The following GALE variants were observed in gnomAD, a reference collection of about 807,000 sequenced individuals.
The protein encoded by GALE is UDP-glucose 4-epimerase.
In GALE, 32 loss-of-function variants were observed where a neutral mutation model predicts 44.1. That is an observed-to-expected ratio of 0.73 (90% CI 0.55 to 0.97). The LOEUF (loss-of-function observed/expected upper bound fraction) is 0.97. Ranked by LOEUF, GALE falls within the 50% of genes least tolerant of loss-of-function variation. GALE has a pLI of 0.00. For synonymous variants in GALE, 182 were observed against 183.5 expected, an observed-to-expected ratio of 0.99 and a Z score of 0.06; for missense variants, 423 against 455.6, an observed-to-expected ratio of 0.93 and a Z score of 0.65.
In GALE at chr1:23,797,031, T is replaced by G; in HGVS notation, c.642+3A>C. 6.2e-7 allele frequency: 1 copy of G among 1,612,714 alleles called. No homozygotes were observed. Among genetic ancestry groups the G allele is most frequent in the East Asian group, 2.2e-5 (1 of 44,856 alleles). On this transcript the variant is annotated splice_donor_region_variant and intron_variant, in intron 7 of 11. Transcript: ENST00000617979. ...CTCCTCTGTCCCTTCCCTTTTGCCT[T>G]ACCTGGGAGACATAAGGCATGAGGT...
rs1570628191 is a variant in GALE, at chr1:23,795,855, G to A, written c.*94C>T. ...GGGGTTTGAGGTAGGGGAGGCCTTG[G>A]CTTGGCCCCAGCAGCTCCAGGGCCC... On this transcript the variant is annotated 3_prime_UTR_variant, in exon 12 of 12. Coordinates refer to ENST00000617979, the MANE Select transcript of GALE (RefSeq NM_001008216.2). 5 of 1,298,294 alleles carry A rather than the reference G, an allele frequency of 3.9e-6. No individual in the cohort carries two copies. Among genetic ancestry groups the A allele is most frequent in the Non-Finnish European group, 5.5e-6 (5 of 905,578 alleles). 80.4% of individuals were successfully genotyped at this position (1,298,294 alleles called of 1,614,324 possible). A position where few individuals can be genotyped will look rare whatever the true frequency, so the allele number is the denominator to read the frequency against.
rs1383173678 is a variant in GALE, at chr1:23,798,216, C to T, written c.252G>A (p.Ala84=). Residue 84 remains alanine (A), a synonymous_variant, in exon 5 of 12, where the codon GCG becomes GCA. Coordinates refer to ENST00000617979, the MANE Select transcript of GALE (RefSeq NM_001008216.2). This position sits in a 1 kb window ranked among gnomAD's most constrained non-coding sequence, Gnocchi z 4.5. ...CCTTGAGCCCCGCAAAGTGGATGAC[C>T]GCCATAAAGCTGTACTGCAGGGGTG... The part of the protein sequence containing the change: ...QRLFKKYSFM[A]VIHFAGLKAV... 19 of 1,613,732 alleles carry T rather than the reference C, an allele frequency of 1.2e-5. No homozygotes were observed. Among genetic ancestry groups the T allele is most frequent in the Middle Eastern group, 1.6e-4 (1 of 6,084 alleles).
At chr1:23,799,297 T>C (rs1639059623) in intron 2 of GALE, 69 bp downstream of exon 2, 1 of 463,392 alleles carries the variant, frequency 2.2e-6, no homozygotes, top group Non-Finnish European at 4.0e-6. Flanking sequence ...TGAGGTGATC[T>C]TAAGGGCCCG....
At chr1:23,800,006 C>T (rs1639079423) in intron 1 of GALE, 1 of 152,326 alleles carries the variant, frequency 6.6e-6, no homozygotes, top group Non-Finnish European at 1.5e-5. Context: ...CCCACTTGAC[C>T]AAGAGCCCTC....
Position 23,796,464 on chromosome 1 carries a change from TGGGTGGGGTG to T in GALE, c.873+35_873+44del, listed in dbSNP as rs763649290. 1 of 990,972 alleles carries T rather than the reference TGGGTGGGGTG, an allele frequency of 1.0e-6. No homozygotes were observed. Among genetic ancestry groups the T allele is most frequent in the Admixed American group, 2.7e-5 (1 of 36,578 alleles). The allele number at this position is 990,972 out of a possible 1,614,324, so 61.4% of individuals were successfully genotyped here. On this transcript the variant is annotated intron_variant, in intron 10 of 11. Transcript: ENST00000617979. The surrounding 1 kb of genome is among the most constrained non-coding windows in gnomAD (Gnocchi z 5.2). ...CCAAAGCTGCTCTGTTGCTGAGAGC[TGGGTGGGGTG>T]AGGTGGGTGAGGTGGGTGGGGCGGG...
In GALE at chr1:23,797,108, C is replaced by A. The variant is rs1307733343; in HGVS notation, c.568G>T (p.Gly190Cys). The A allele has an allele frequency of 6.2e-7, 1 of 1,613,164 alleles. No homozygotes were observed. Among genetic ancestry groups the A allele is most frequent in the African/African-American group, 1.3e-5 (1 of 75,036 alleles). ...AVLLRYFNPT[G>C]AHASGCIGED... Reference sequence around the variant, plus strand: ...CCAATGCAGCCAGAGGCATGGGCACCTGTGGGGTTGAAATAGCGCAGCAGC... The same window carrying A: ...CCAATGCAGCCAGAGGCATGGGCACATGTGGGGTTGAAATAGCGCAGCAGC... Residue 190 changes from glycine (G) to cysteine (C), a missense_variant, in exon 7 of 12, where the codon GGT becomes TGT. Gly to Cys is a radical substitution (Grantham distance 159). Coordinates refer to ENST00000617979, the MANE Select transcript of GALE (RefSeq NM_001008216.2).
In GALE at chr1:23,796,022, G is replaced by A. The variant is rs1414536307; in HGVS notation, c.989-15C>T. On this transcript the variant is annotated splice_polypyrimidine_tract_variant and intron_variant, in intron 11 of 11. Coordinates refer to ENST00000617979, the MANE Select transcript of GALE (RefSeq NM_001008216.2). The surrounding 1 kb of genome is among the most constrained non-coding windows in gnomAD (Gnocchi z 5.2). ...GAGATCCTCACCTGCAACACGGCGAGGTGTGTGCTCAGGGCCCACGGTGGA... is the reference window on the plus strand; with the variant it reads ...GAGATCCTCACCTGCAACACGGCGAAGTGTGTGCTCAGGGCCCACGGTGGA... 7 of 1,613,680 alleles carry A rather than the reference G, an allele frequency of 4.3e-6. No individual in the cohort carries two copies. The highest frequency in any genetic ancestry group is 1.1e-5 in the South Asian group (1 of 91,020).
At position 23,798,875 on chromosome 1, in the gene GALE, T is replaced by C. The variant is rs1425215296; in HGVS notation, c.121+12A>G. On this transcript the variant is annotated intron_variant, in intron 3 of 11. Coordinates refer to ENST00000617979, the MANE Select transcript of GALE (RefSeq NM_001008216.2). The surrounding 1 kb of genome is among the most constrained non-coding windows in gnomAD (Gnocchi z 4.5). ...TCCCCTCAAGTAGCCCCAGCCCCAC[T>C]GCCCCGCTCACCACGGAAGGCATTA... 1 of 1,614,018 alleles carries C rather than the reference T, an allele frequency of 6.2e-7. No individual in the cohort carries two copies. Among genetic ancestry groups the C allele is most frequent in the East Asian group, 2.2e-5 (1 of 44,898 alleles).
At position 23,798,645 on chromosome 1, in the gene GALE, G is replaced by A; in HGVS notation, c.207C>T (p.Asp69=). 2 of 1,613,762 alleles carry A rather than the reference G, an allele frequency of 1.2e-6. No homozygotes were observed. Among genetic ancestry groups the A allele is most frequent in the South Asian group, 1.1e-5 (1 of 91,070 alleles). Residue 69 remains aspartate, a synonymous_variant, in exon 4 of 12, where the codon GAC becomes GAT. Coordinates refer to ENST00000617979, the MANE Select transcript of GALE (RefSeq NM_001008216.2). The surrounding 1 kb of genome is among the most constrained non-coding windows in gnomAD (Gnocchi z 4.5). ...SVEFEEMDIL[D]QGALQRLFKK... is the part of the protein sequence containing the mutation. ...TGAAGAGACGCTGTAGGGCTCCCTG[G>A]TCCAAAATGTCCATCTCCTCAAACT...
At chr1:23,799,341 C>T (rs544495956) in intron 2 of GALE, 25 bp downstream of exon 2, 11 of 389,976 alleles carry the variant, frequency 2.8e-5, no homozygotes, top group Non-Finnish European at 5.4e-5. Context: ...GACACACAGG[C>T]ACCTTATTTT....
intron 6 of GALE, 89 bp downstream of exon 6, chr1:23,797,606 G>A: frequency 1.6e-6 from 2 of 1,258,534 alleles, no homozygotes; most frequent in African/African-American, 1.5e-5. Context: ...CCTTAGTGGG[G>A]GTGTTCGGAA....
At chr1:23,797,571 G>T in intron 6 of GALE, 124 bp downstream of exon 6, 1 of 948,238 alleles carries the variant, frequency 1.1e-6, no homozygotes, top group Non-Finnish European at 1.7e-6. Context: ...GCCCTCCACT[G>T]CAACTGCCTG....
rs1223655309 is a variant in GALE at position 23,795,825 on chromosome 1, C to T, written c.*124G>A. The T allele has an allele frequency of 1.0e-6, 1 of 956,172 alleles. No homozygotes were observed. The allele number at this position is 956,172 out of a possible 1,614,324, so 59.2% of individuals were successfully genotyped here. A position where few individuals can be genotyped will look rare whatever the true frequency, so the allele number is the denominator to read the frequency against. On this transcript the variant is annotated 3_prime_UTR_variant, in exon 12 of 12. Coordinates refer to ENST00000617979, the MANE Select transcript of GALE (RefSeq NM_001008216.2). ...TCATGCCTGGTGGGCTAAGCGGGCC[C>T]AGCTGGGGTTTGAGGTAGGGGAGGC...
rs746065738 is a variant in GALE at position 23,797,775 on chromosome 1, T to C, written c.448A>G (p.Thr150Ala). The change falls in exon 6 of 12, where the codon ACG (threonine) becomes GCG (alanine). Residue 150 changes from threonine (T) to alanine (A), a missense_variant. Coordinates refer to ENST00000617979, the MANE Select transcript of GALE (RefSeq NM_001008216.2). ...QYLPLDEAHP[T>A]GGCTNPYGKS... is the part of the protein sequence containing the mutation. Reference sequence around the variant, plus strand: ...CCGTAAGGGTTGGTACAACCACCCGTGGGGTGGGCCTCATCAAGGGGCAGG... The same window carrying C: ...CCGTAAGGGTTGGTACAACCACCCGCGGGGTGGGCCTCATCAAGGGGCAGG... 44 of 1,613,698 alleles carry C rather than the reference T, an allele frequency of 2.7e-5. No individual in the cohort carries two copies. Among genetic ancestry groups the C allele is most frequent in the Non-Finnish European group, 3.5e-5 (41 of 1,179,700 alleles).
In GALE at chr1:23,798,266, G is replaced by T; in HGVS notation, c.238-36C>A. 6.7e-7 allele frequency: 1 copy of T among 1,496,762 alleles called. No individual in the cohort carries two copies. 92.7% of individuals were successfully genotyped at this position (1,496,762 alleles called of 1,614,324 possible). A position where few individuals can be genotyped will look rare whatever the true frequency, so the allele number is the denominator to read the frequency against. ...GACATGGCCAGAGGTTGCTCTACTGGTTTTAGTCCTTGGCAATGCCCTCAG... is the reference window on the plus strand; with the variant it reads ...GACATGGCCAGAGGTTGCTCTACTGTTTTTAGTCCTTGGCAATGCCCTCAG... On this transcript the variant is annotated intron_variant, in intron 4 of 11. Coordinates refer to ENST00000617979, the MANE Select transcript of GALE (RefSeq NM_001008216.2). The surrounding 1 kb of genome is among the most constrained non-coding windows in gnomAD (Gnocchi z 4.5).
At position 23,796,513 on chromosome 1, in the gene GALE, T is replaced by C. The variant is rs768256513; in HGVS notation, c.869A>G (p.Lys290Arg). 1.2e-6 allele frequency: 2 copies of C among 1,612,634 alleles called. No homozygotes were observed. The highest frequency in any genetic ancestry group is 2.2e-5 in the South Asian group (2 of 91,006). ...MVQAMEKASG[K>R]KIPYKVVARR... is the part of the protein sequence containing the mutation. The stretch of plus-strand genomic sequence containing the variant: ...GGGTGGGGCGGGGGGGCCTACCTTC[T>C]TCCCAGAGGCCTTCTCCATAGCCTG... Residue 290 changes from lysine to arginine, a missense_variant, in exon 10 of 12, where the codon AAG becomes AGG. Lys to Arg is a conservative substitution (Grantham distance 26). Coordinates refer to ENST00000617979, the MANE Select transcript of GALE (RefSeq NM_001008216.2). The surrounding 1 kb of genome is among the most constrained non-coding windows in gnomAD (Gnocchi z 5.2).
chr1:23,795,710 A>G lies in GALE; in HGVS notation c.*239T>C. ...TTTTGTGCCAGAGCCTTGCCCCCTC[A>G]CTCACTCTTGGGGGTCCTGATGAAC... On this transcript the variant is annotated 3_prime_UTR_variant, in exon 12 of 12. Transcript: ENST00000617979. 1 of 595,986 alleles carries G rather than the reference A, an allele frequency of 1.7e-6. No homozygotes were observed. The highest frequency in any genetic ancestry group is 3.0e-5 in the Admixed American group (1 of 33,732). The allele number at this position is 595,986 out of a possible 1,614,324, so 36.9% of individuals were successfully genotyped here. A position where few individuals can be genotyped will look rare whatever the true frequency, so the allele number is the denominator to read the frequency against.
rs771619008 is a variant in GALE at position 23,797,737 on chromosome 1, G to T, written c.486C>A (p.Phe162Leu). 1.2e-6 allele frequency: 2 copies of T among 1,614,008 alleles called. No individual in the cohort carries two copies. Among genetic ancestry groups the T allele is most frequent in the African/African-American group, 2.7e-5 (2 of 74,914 alleles). Residue 162 changes from phenylalanine to leucine, a missense_variant, in exon 6 of 12, where the codon TTC becomes TTA. Coordinates refer to ENST00000617979, the MANE Select transcript of GALE (RefSeq NM_001008216.2). The part of the protein sequence containing the change: ...GCTNPYGKSK[F>L]FIEEMIRDLC... The stretch of plus-strand genomic sequence containing the variant: ...GGTCCCGGATCATTTCCTCGATGAA[G>T]AACTTGGACTTGCCGTAAGGGTTGG...
intron 6 of GALE, among the ~76,000 whole-genome samples, chr1:23,797,364 A>G (rs1638992043): frequency 6.6e-6 from 1 of 152,134 alleles, no homozygotes; most frequent in African/African-American, 2.4e-5. Context: ...GACCACAGGC[A>G]CACACCACCA....
Sources: allele counts gnomAD v4.1 joint callset (sites outside exome capture counted in the v4.1 genomes callset), GRCh38; gene constraint gnomAD v4.1.1; non-coding constraint Gnocchi (gnomAD v3.1); transcripts MANE v1.5; gene names NCBI Gene and HGNC (gene_info 2026-07-23, HGNC 2026-07-21).